The following SDK1 variants were observed in gnomAD, a reference collection of about 807,000 sequenced individuals.
SDK1 encodes protein sidekick-1.
SDK1 carries 157 observed loss-of-function variants against 245.5 expected under a neutral mutation model. The observed-to-expected ratio is 0.64, with a 90% CI of 0.56 to 0.73. The LOEUF (loss-of-function observed/expected upper bound fraction) is 0.73. SDK1 is among the 30% of genes least tolerant of loss of function. The probability of loss-of-function intolerance (pLI) is 0.00; values close to 1 mark genes in which losing one functional copy is unlikely to be tolerated. For synonymous variants in SDK1, 1,647 were observed against 1,278.5 expected (o/e 1.29, Z -6.15); for missense variants, 3,583 against 3,002.3 (o/e 1.19, Z -4.52).
chr7:3,484,960 C>T (rs1781637545), intron 1 of SDK1, among the ~76,000 whole-genome samples: 2 of 152,116 alleles, frequency 1.3e-5, no homozygotes, highest in Admixed American at 6.5e-5. Context: ...CTGTAGTAAA[C>T]GTGGGACTGC....
At chr7:3,809,481 C>T (rs1002328675) in intron 4 of SDK1, among the ~76,000 whole-genome samples, 1 of 152,196 alleles carries the variant, frequency 6.6e-6, no homozygotes, top group African/African-American at 2.4e-5. Flanking sequence ...GTGCTCCCGT[C>T]TCTGCTGGGC....
chr7:3,828,133 C>G (rs1234638108), intron 5 of SDK1, among the ~76,000 whole-genome samples: 2 of 151,948 alleles, frequency 1.3e-5, no homozygotes, highest in Non-Finnish European at 1.5e-5. Flanking sequence ...AAAATTATAA[C>G]TGGGTGTGCT....
intron 5 of SDK1, among the ~76,000 whole-genome samples, chr7:3,932,932 G>A (rs1780029709): frequency 6.6e-6 from 1 of 151,924 alleles, no homozygotes; most frequent in Admixed American, 6.5e-5. Flanking sequence ...GATTATTTAC[G>A]CTTCTCAGAA....
intron 32 of SDK1, among the ~76,000 whole-genome samples, chr7:4,173,297 C>G (rs1245504159): frequency 6.6e-6 from 1 of 152,220 alleles, no homozygotes; most frequent in Non-Finnish European, 1.5e-5. Context: ...CTGAGGCTTT[C>G]CAGGGCATCC....
At chr7:4,123,729 A>C (rs1174571906) in intron 25 of SDK1, among the ~76,000 whole-genome samples, 1 of 152,200 alleles carries the variant, frequency 6.6e-6, no homozygotes, top group African/African-American at 2.4e-5. Context: ...CTCCCTCCAA[A>C]AATAGAAGGG....
At chr7:3,855,708 G>A (rs942755323) in intron 5 of SDK1, among the ~76,000 whole-genome samples, 11 of 152,146 alleles carry the variant, frequency 7.2e-5, no homozygotes, top group Non-Finnish European at 1.5e-4. Context: ...AAGGCAAAGA[G>A]GCCATTAGGT....
At chr7:3,507,416 G>C (rs1190000080) in intron 1 of SDK1, among the ~76,000 whole-genome samples, 1 of 151,968 alleles carries the variant, frequency 6.6e-6, no homozygotes, top group Non-Finnish European at 1.5e-5. Context: ...TGCTTTTTTG[G>C]GGTAGCCAGT....
intron 1 of SDK1, among the ~76,000 whole-genome samples, chr7:3,545,217 A>G (rs931725349): frequency 1.3e-5 from 2 of 152,152 alleles, no homozygotes; most frequent in African/African-American, 4.8e-5. Flanking sequence ...ATGAGAAAGA[A>G]CTATGAGGAA....
At chr7:3,487,361 C>T (rs1781732021) in intron 1 of SDK1, among the ~76,000 whole-genome samples, 1 of 151,926 alleles carries the variant, frequency 6.6e-6, no homozygotes, top group African/African-American at 2.4e-5. Context: ...TTTTCTAAAC[C>T]ATCGTACTTA....
rs1029276252 is a variant in SDK1, at chr7:4,144,273, A to G, written c.4229-1449A>G. Among the ~76,000 whole-genome samples the G allele has an allele frequency of 4.6e-5, 7 of 152,306 alleles. No individual in the cohort carries two copies. The South Asian group carries it at 1.2e-3, about 27-fold the overall frequency. ...ACCTGAGGCCAGCAGGGCCACATCC[A>G]GGAAGTCTCAGAACTCCCGGTCCCC... On this transcript the variant is annotated intron_variant, in intron 28 of 44. Coordinates refer to ENST00000404826, the MANE Select transcript of SDK1 (RefSeq NM_152744.4).
intron 4 of SDK1, among the ~76,000 whole-genome samples, chr7:3,682,116 G>T (rs183537822): frequency 6.6e-6 from 1 of 152,280 alleles, no homozygotes; most frequent in African/African-American, 2.4e-5. Flanking sequence ...TGAAGATTAT[G>T]ATGCTAAAAA....
At chr7:4,211,708 C>T (rs962362771) in intron 38 of SDK1, among the ~76,000 whole-genome samples, 1 of 152,194 alleles carries the variant, frequency 6.6e-6, no homozygotes, top group South Asian at 2.1e-4. Flanking sequence ...CTCCCGGGTT[C>T]GCACCATTCT....
chr7:3,945,226 C>A (rs755408096), intron 5 of SDK1, among the ~76,000 whole-genome samples: 63 of 152,246 alleles, frequency 4.1e-4, no homozygotes, highest in Admixed American at 7.2e-4. Flanking sequence ...AGATAATGAA[C>A]AGCCCCAGAG....
At chr7:4,034,326 A>G (rs1319148163) in intron 17 of SDK1, among the ~76,000 whole-genome samples, 1 of 152,196 alleles carries the variant, frequency 6.6e-6, no homozygotes, top group Admixed American at 6.5e-5. Flanking sequence ...GGAAAACAGG[A>G]GAAACCGTAG....
At chr7:3,932,374 A>G (rs1459201211) in intron 5 of SDK1, among the ~76,000 whole-genome samples, 1 of 152,232 alleles carries the variant, frequency 6.6e-6, no homozygotes, top group Non-Finnish European at 1.5e-5. Flanking sequence ...CAACCAAAAT[A>G]TAGATGAGAT....
At chr7:3,779,270 T>C (rs1489207633) in intron 4 of SDK1, among the ~76,000 whole-genome samples, 1 of 152,158 alleles carries the variant, frequency 6.6e-6, no homozygotes, top group Non-Finnish European at 1.5e-5. Flanking sequence ...GCAATTACGT[T>C]AGGGCTAGAG....
At chr7:3,792,714 ATC>A (rs1778842298) in intron 4 of SDK1, among the ~76,000 whole-genome samples, 1 of 149,400 alleles carries the variant, frequency 6.7e-6, no homozygotes, top group Non-Finnish European at 1.5e-5. Context: ...CCATCCATCC[ATC>A]CATCCGTCTG....
intron 22 of SDK1, among the ~76,000 whole-genome samples, chr7:4,105,787 A>G (rs1297475333): frequency 6.6e-6 from 1 of 152,172 alleles, no homozygotes; most frequent in Non-Finnish European, 1.5e-5. Context: ...CCAGATTCCA[A>G]AGGAGTCAGC....
At chr7:3,817,630 C>T (rs1181841538) in intron 4 of SDK1, among the ~76,000 whole-genome samples, 5 of 152,164 alleles carry the variant, frequency 3.3e-5, no homozygotes, top group Admixed American at 3.3e-4. Flanking sequence ...AAGGCCACAA[C>T]CCCTGGCCAT....
Sources: gnomAD v4.1 joint callset for allele counts (sites outside exome capture counted in the v4.1 genomes callset) on GRCh38, gnomAD v4.1.1 for gene constraint, MANE v1.5 for transcripts, NCBI Gene and HGNC (gene_info 2026-07-23, HGNC 2026-07-21) for gene names.